LTBP1: variants seen among roughly 807,000 people sequenced by gnomAD.
The protein encoded by LTBP1 is latent transforming growth factor beta binding protein 1.
A neutral mutation model predicts 207.6 loss-of-function variants in LTBP1; 129 were observed. That is an observed-to-expected ratio of 0.62 (90% CI 0.54 to 0.72). LTBP1 has a LOEUF of 0.72. LTBP1 is among the 30% of genes least tolerant of loss of function. The pLI, the probability that LTBP1 is intolerant of heterozygous loss-of-function variation, is 0.00. For missense variants in LTBP1, 2,281 were observed against 2,217.2 expected (o/e 1.03, Z -0.58); for synonymous variants, 963 against 833.7 (o/e 1.16, Z -2.67).
chr2:33,110,708 C>A lies in LTBP1; in HGVS notation c.990C>A (p.Phe330Leu), dbSNP rs2080353662. The change falls in exon 4 of 34, where the codon TTC becomes TTA. Residue 330 changes from phenylalanine to leucine, a missense_variant. By Grantham distance (22) the Phe-to-Leu change is conservative. Coordinates refer to ENST00000404816, the MANE Select transcript of LTBP1 (RefSeq NM_206943.4). The stretch of plus-strand genomic sequence containing the variant: ...GAGAGCAGTCCACTGAAGGTTCTTT[C>A]CCTTTAAGATATGTGCAGGATCAAG... ...ISGEQSTEGS[F>L]PLRYVQDQVA... 2 of 1,614,164 alleles carry A rather than the reference C, an allele frequency of 1.2e-6. No homozygotes were observed. The highest frequency in any genetic ancestry group is 1.1e-5 in the South Asian group (1 of 91,074).
rs1248913853 is a variant in LTBP1 at position 33,243,880 on chromosome 2, T to C, written c.1999+96T>C. Reference sequence around the variant, plus strand: ...TACTCAGTGGCCAACTGAATGCTTGTAAATATACAGGAAAACCTCATTAAT... The same window carrying C: ...TACTCAGTGGCCAACTGAATGCTTGCAAATATACAGGAAAACCTCATTAAT... On this transcript the variant is annotated intron_variant, in intron 10 of 33. Transcript: ENST00000404816. The C allele has an allele frequency of 2.4e-5, 33 of 1,366,206 alleles. No homozygotes were observed. The Admixed American group carries it at 6.3e-4, about 26-fold the overall frequency. The allele number at this position is 1,366,206 out of a possible 1,614,324, so 84.6% of individuals were successfully genotyped here.
At chr2:33,397,309 C>T (rs746624472) in intron 33 of LTBP1, 27 bp downstream of exon 33, 7 of 1,611,626 alleles carry the variant, frequency 4.3e-6, no homozygotes, top group Non-Finnish European at 5.9e-6. Flanking sequence ...TTTTATGGGA[C>T]ATTAATTTTT....
chr2:33,369,789 T>C (rs192568262), intron 31 of LTBP1, among the ~76,000 whole-genome samples: 4 of 152,336 alleles, frequency 2.6e-5, no homozygotes, highest in Admixed American at 2.0e-4. Context: ...TTATGGATCA[T>C]CTATTCTGAA....
intron 9 of LTBP1, among the ~76,000 whole-genome samples, chr2:33,227,555 C>A (rs1204496939): frequency 1.3e-5 from 2 of 152,062 alleles, no homozygotes; most frequent in Non-Finnish European, 2.9e-5. Context: ...CCATGCCACA[C>A]CCTTAGTGAA....
intron 31 of LTBP1, among the ~76,000 whole-genome samples, chr2:33,382,324 A>G (rs1188135962): frequency 2.0e-5 from 3 of 151,716 alleles, no homozygotes; most frequent in Non-Finnish European, 4.4e-5. Context: ...CGAACTCCTG[A>G]CTGTAGGTGA....
intron 3 of LTBP1, among the ~76,000 whole-genome samples, chr2:33,052,897 G>A (rs1250227373): frequency 3.3e-5 from 5 of 150,176 alleles, no homozygotes; most frequent in East Asian, 1.9e-4. Flanking sequence ...TTTTTGAGAT[G>A]GAGTCTCACT....
At chr2:33,032,119 A>ATC (rs1156469926) in intron 3 of LTBP1, among the ~76,000 whole-genome samples, 4 of 152,030 alleles carry the variant, frequency 2.6e-5, no homozygotes, top group Non-Finnish European at 4.4e-5. Flanking sequence ...TCTAATGTTG[A>ATC]TCTCTCTCTC....
In LTBP1 at chr2:33,398,466, A is replaced by G. The variant is rs748788765; in HGVS notation, c.5087A>G (p.Tyr1696Cys). The change falls in exon 34 of 34, where the codon TAC (tyrosine) becomes TGC (cysteine). Residue 1696 changes from tyrosine to cysteine, a missense_variant. Physicochemically the swap from Tyr to Cys is radical, Grantham distance 194 (BLOSUM62 -2). Coordinates refer to ENST00000404816, the MANE Select transcript of LTBP1 (RefSeq NM_206943.4). ...TACAAGTGTTTGTGTCTGCCAGGCT[A>G]CGTGCCTTCTGACAAGCCAAACTAC... Reference protein sequence around the residue: ...GSYKCLCLPGYVPSDKPNYCT... With the variant: ...GSYKCLCLPGCVPSDKPNYCT... 3.1e-6 allele frequency: 5 copies of G among 1,614,110 alleles called. No individual in the cohort carries two copies. The highest frequency in any genetic ancestry group is 3.4e-6 in the Non-Finnish European group (4 of 1,180,012).
chr2:33,279,958 C>T, intron 18 of LTBP1, 81 bp from the exon 19 acceptor site: 4 of 1,476,614 alleles, frequency 2.7e-6, no homozygotes, highest in Non-Finnish European at 3.7e-6. Context: ...ACATGCTTTC[C>T]CCCGCTGCCT....
At chr2:33,293,624 A>T (rs1056223538) in intron 20 of LTBP1, among the ~76,000 whole-genome samples, 2 of 152,218 alleles carry the variant, frequency 1.3e-5, no homozygotes, top group African/African-American at 4.8e-5. Flanking sequence ...ATGGAATTGT[A>T]TAGCATGGGA....
Position 33,252,686 on chromosome 2 carries a change from C to G in LTBP1, c.2009C>G (p.Pro670Arg), listed in dbSNP as rs1479533675. 4 of 1,611,744 alleles carry G rather than the reference C, an allele frequency of 2.5e-6. No homozygotes were observed. Among genetic ancestry groups the G allele is most frequent in the Non-Finnish European group, 3.4e-6 (4 of 1,178,298 alleles). ...TATCTCTCTGCTTCAGCTGATCCCC[C>G]TGTGATCTCGGAAGAGAAAGGGCCC... ...PTFSSCVPDP[P>R]VISEEKGPCY... Residue 670 changes from proline to arginine, a missense_variant, in exon 11 of 34, where the codon CCT (proline) becomes CGT (arginine). This residue lies in a region of LTBP1 where 1,671 missense variants were observed against 1,634.8 expected (regional missense o/e 1.02). Transcript: ENST00000404816.
chr2:33,044,608 A>C lies in LTBP1; in HGVS notation c.863+23402A>C, dbSNP rs565399613. 9.2e-5 allele frequency among the ~76,000 whole-genome samples: 14 copies of C among 152,320 alleles called. No homozygotes were observed. In the East Asian group the frequency reaches 2.7e-3, roughly 29 times the overall value. On this transcript the variant is annotated intron_variant, in intron 3 of 33. Transcript: ENST00000404816. ...GTGTCTTTATAGTAGAATGATTTAT[A>C]ATCCTTTGGGTATATACCCAGTAAT...
At chr2:33,352,688 A>C (rs1406965728) in intron 26 of LTBP1, among the ~76,000 whole-genome samples, 1 of 152,156 alleles carries the variant, frequency 6.6e-6, no homozygotes, top group Non-Finnish European at 1.5e-5. Context: ...CTGCTGCCAG[A>C]GTTAATGTTT....
intron 7 of LTBP1, among the ~76,000 whole-genome samples, chr2:33,216,676 G>C (rs1440179982): frequency 6.6e-6 from 1 of 152,194 alleles, no homozygotes; most frequent in Non-Finnish European, 1.5e-5. Context: ...AAAATGTGGG[G>C]TGTGTTAGCC....
intron 4 of LTBP1, among the ~76,000 whole-genome samples, chr2:33,126,075 C>T (rs529642519): frequency 3.9e-5 from 6 of 152,096 alleles, no homozygotes; most frequent in Non-Finnish European, 7.4e-5. Context: ...TTCTTTGCCC[C>T]ATGAGTGAGT....
chr2:33,070,874 C>T (rs1247728218), intron 3 of LTBP1, among the ~76,000 whole-genome samples: 2 of 152,172 alleles, frequency 1.3e-5, no homozygotes, highest in Non-Finnish European at 1.5e-5. Context: ...ACGTTGGCCA[C>T]GGGCTATGAG....
chr2:33,332,372 CAAAAAAAAAAAA>C (rs745342264), intron 24 of LTBP1, among the ~76,000 whole-genome samples: 3 of 52,480 alleles, frequency 5.7e-5, no homozygotes, highest in East Asian at 1.6e-3. Context: ...ACACCATCTC[CAAAAAAAAAAAA>C]AAAAAAAAAA....
At chr2:33,316,895 T>A (rs754725172) in intron 24 of LTBP1, among the ~76,000 whole-genome samples, 14 of 152,174 alleles carry the variant, frequency 9.2e-5, no homozygotes, top group Non-Finnish European at 2.1e-4. Flanking sequence ...CTCTAAATCA[T>A]GGATGGTAAA....
chr2:33,040,108 A>G (rs1329353841), intron 3 of LTBP1, among the ~76,000 whole-genome samples: 2 of 152,196 alleles, frequency 1.3e-5, no homozygotes, highest in Non-Finnish European at 2.9e-5. Flanking sequence ...TTGGTATGGA[A>G]GAAAAATGAG....
Sources: gnomAD v4.1 joint callset for allele counts (sites outside exome capture counted in the v4.1 genomes callset) on GRCh38, gnomAD v4.1.1 for gene constraint, gnomAD v4.1.1 regional missense constraint, MANE v1.5 for transcripts, NCBI Gene and HGNC (gene_info 2026-07-23, HGNC 2026-07-21) for gene names.